Variants in HOXA3 observed in about 807,000 individuals in gnomAD.
HOXA3 encodes the protein homeobox A3.
A neutral mutation model predicts 30.3 loss-of-function variants in HOXA3; 8 were observed. The ratio of observed to expected loss-of-function variants is 0.26; its 90% confidence interval spans 0.15 to 0.48. The LOEUF (loss-of-function observed/expected upper bound fraction) is 0.48. Ranked by LOEUF, HOXA3 falls within the 20% of genes least tolerant of loss-of-function variation. The pLI is 0.99. For synonymous variants in HOXA3, 323 were observed against 273.1 expected (o/e 1.18, Z -1.80); for missense variants, 653 against 614.4 (o/e 1.06, Z -0.66).
intron 4 of HOXA3, among the ~76,000 whole-genome samples, chr7:27,112,725 A>C (rs1175586515): frequency 6.6e-6 from 1 of 152,244 alleles, no homozygotes; most frequent in South Asian, 2.1e-4. Context: ...GCTTGTGTAA[A>C]ATAAAATGTC....
intron 4 of HOXA3, among the ~76,000 whole-genome samples, chr7:27,116,868 G>C (rs1299304840): frequency 6.6e-6 from 1 of 152,214 alleles, no homozygotes; most frequent in Non-Finnish European, 1.5e-5. Flanking sequence ...TACTGCCGAG[G>C]CCGGCACTGG....
chr7:27,139,811 G>A lies in HOXA3; in HGVS notation c.-390+272C>T, dbSNP rs920955865. On this transcript the variant is annotated intron_variant, in intron 2 of 5. Transcript: ENST00000612286. ...CACAAAAATCATCTTTTTGCACGCC[G>A]GCGGGAGCAGCGGAAGTCATTAACA... Among the ~76,000 whole-genome samples, 10 of 152,156 alleles carry A rather than the reference G, an allele frequency of 6.6e-5. No individual in the cohort carries two copies. The South Asian group carries it at 8.3e-4, about 13-fold the overall frequency.
intron 2 of HOXA3, among the ~76,000 whole-genome samples, chr7:27,136,420 C>A (rs552016671): frequency 1.3e-5 from 2 of 152,092 alleles, no homozygotes; most frequent in South Asian, 2.1e-4. Context: ...AATGGGAGAA[C>A]CTTGCAAAAA....
chr7:27,121,237 G>GTC (rs917367363), intron 4 of HOXA3: 1 of 151,476 alleles, frequency 6.6e-6, no homozygotes, highest in African/African-American at 2.4e-5. Flanking sequence ...GTGTGTGTGT[G>GTC]TGTGTGTGTG....
intron 1 of HOXA3, chr7:27,145,732 A>G (rs779260946): frequency 1.9e-6 from 3 of 1,613,782 alleles, no homozygotes; most frequent in East Asian, 2.2e-5. Flanking sequence ...TCCTTTTTCC[A>G]CTTCATGCGG....
rs1783012245 is a variant in HOXA3 at position 27,152,527 on chromosome 7, G to T, written c.-733C>A. ...CCATCTCCGGACAAAGCACAGCCGA[G>T]CCCGGCTGGAAGGCAGAGCTCCGAA... On this transcript the variant is annotated 5_prime_UTR_variant, in exon 1 of 6. Coordinates refer to ENST00000612286, the MANE Select transcript of HOXA3 (RefSeq NM_153631.3). 8.5e-7 allele frequency: 1 copy of T among 1,180,152 alleles called. No homozygotes were observed. The highest frequency in any genetic ancestry group is 1.1e-6 in the Non-Finnish European group (1 of 937,996). The allele number at this position is 1,180,152 out of a possible 1,614,324, so 73.1% of individuals were successfully genotyped here. A position where few individuals can be genotyped will look rare whatever the true frequency, so the allele number is the denominator to read the frequency against.
At chr7:27,148,273 C>T (rs1782854652) in intron 1 of HOXA3, among the ~76,000 whole-genome samples, 2 of 152,390 alleles carry the variant, frequency 1.3e-5, no homozygotes, top group South Asian at 4.1e-4. Context: ...GCCTGCACTC[C>T]AGGCACGGCC....
In HOXA3 at chr7:27,113,947, C is replaced by G. The variant is rs1015682022; in HGVS notation, c.-120-3187G>C. On this transcript the variant is annotated intron_variant, in intron 4 of 5. Coordinates refer to ENST00000612286, the MANE Select transcript of HOXA3 (RefSeq NM_153631.3). The surrounding 1 kb of genome is among the most constrained non-coding windows in gnomAD (Gnocchi z 4.8). ...GCAGCAGCCGCGGCCCGGAGATAAG[C>G]GCTAGTGCGGCGCCGGGCTCTGCCT... 1 of 151,208 alleles carries G rather than the reference C, an allele frequency of 6.6e-6. No homozygotes were observed. The highest frequency in any genetic ancestry group is 1.5e-5 in the Non-Finnish European group (1 of 67,746). The allele number at this position is 151,208 out of a possible 1,614,324, so 9.4% of individuals were successfully genotyped here.
chr7:27,128,283 C>T (rs1286678511), intron 2 of HOXA3: 4 of 152,240 alleles, frequency 2.6e-5, no homozygotes, highest in Non-Finnish European at 5.9e-5. Context: ...CCTCTCAGAG[C>T]TCAAGAGCCT....
intron 1 of HOXA3, chr7:27,150,026 G>A (rs763378843): frequency 6.6e-5 from 10 of 152,186 alleles, no homozygotes; most frequent in Admixed American, 2.0e-4. Flanking sequence ...AAGAGAATTT[G>A]ATTTCTCAGC....
Position 27,108,332 on chromosome 7 carries a change from G to A in HOXA3, c.915C>T (p.Tyr305=), listed in dbSNP as rs1784145951. 1 of 1,510,132 alleles carries A rather than the reference G, an allele frequency of 6.6e-7. No homozygotes were observed. Among genetic ancestry groups the A allele is most frequent in the African/African-American group, 1.4e-5 (1 of 72,714 alleles). 93.5% of individuals were successfully genotyped at this position (1,510,132 alleles called of 1,614,324 possible). A position where few individuals can be genotyped will look rare whatever the true frequency, so the allele number is the denominator to read the frequency against. ...CAGGGTAGGAGGCGGGGGGCAGCCCGTAGGTACCCTGGGGGGGCTTGGAGA... is the reference window on the plus strand; with the variant it reads ...CAGGGTAGGAGGCGGGGGGCAGCCCATAGGTACCCTGGGGGGGCTTGGAGA... ...PPFSKPPQGT[Y]GLPPASYPAS... Residue 305 remains tyrosine (Y), a synonymous_variant, in exon 6 of 6, where the codon TAC becomes TAT. Transcript: ENST00000612286. The surrounding 1 kb of genome is among the most constrained non-coding windows in gnomAD (Gnocchi z 5.0).
rs940480505 is a variant in HOXA3 at position 27,108,776 on chromosome 7, C to G, written c.527-56G>C. Reference sequence around the variant, plus strand: ...CAGGGGCTGCCGCGGCCCCGCCCAGCCCCTGACCCAGCCCGGCCCCTCCTT... The same window carrying G: ...CAGGGGCTGCCGCGGCCCCGCCCAGGCCCTGACCCAGCCCGGCCCCTCCTT... On this transcript the variant is annotated intron_variant, in intron 5 of 5. Coordinates refer to ENST00000612286, the MANE Select transcript of HOXA3 (RefSeq NM_153631.3). This position sits in a 1 kb window ranked among gnomAD's most constrained non-coding sequence, Gnocchi z 5.0. The G allele has an allele frequency of 1.4e-6, 2 of 1,385,616 alleles. No individual in the cohort carries two copies. The highest frequency in any genetic ancestry group is 2.9e-5 in the African/African-American group (2 of 68,798). 85.8% of individuals were successfully genotyped at this position (1,385,616 alleles called of 1,614,324 possible).
At chr7:27,130,100 C>T in intron 2 of HOXA3, 1 of 1,587,932 alleles carries the variant, frequency 6.3e-7, no homozygotes. Context: ...CCCGCGCCTC[C>T]CAAGCGGCGC....
chr7:27,116,677 C>T (rs1203258092), intron 4 of HOXA3: 1 of 152,236 alleles, frequency 6.6e-6, no homozygotes, highest in African/African-American at 2.4e-5. Context: ...TCTATTCCCT[C>T]TCTCATTCTT....
At chr7:27,152,185 A>C (rs62454420) in intron 1 of HOXA3, 103 bp downstream of exon 1, 27 of 501,518 alleles carry the variant, frequency 5.4e-5, no homozygotes, top group Non-Finnish European at 8.6e-5. Flanking sequence ...GGTAAGGGGG[A>C]GTATGCCCCT....
chr7:27,130,387 GGCTGGGGCGGCCGC>G, intron 2 of HOXA3: 1 of 1,154,396 alleles, frequency 8.7e-7, no homozygotes, highest in Non-Finnish European at 1.1e-6. Context: ...GGGCTGCTCG[GGCTGGGGCGGCCGC>G]CCGGGGCTGG....
At position 27,126,972 on chromosome 7, in the gene HOXA3, G is replaced by A. The variant is rs1785311960; in HGVS notation, c.-291C>T. The A allele has an allele frequency of 1.4e-5, 2 of 144,266 alleles. No homozygotes were observed. Among genetic ancestry groups the A allele is most frequent in the Non-Finnish European group, 3.0e-5 (2 of 66,008 alleles). The allele number at this position is 144,266 out of a possible 1,614,324, so 8.9% of individuals were successfully genotyped here. On this transcript the variant is annotated 5_prime_UTR_variant, in exon 3 of 6. Coordinates refer to ENST00000612286, the MANE Select transcript of HOXA3 (RefSeq NM_153631.3). ...GTCTAGGCATTTTTTTTTTTTAGCAGACAGCCAAGATGCTGTGTCCTTGCC... is the reference window on the plus strand; with the variant it reads ...GTCTAGGCATTTTTTTTTTTTAGCAAACAGCCAAGATGCTGTGTCCTTGCC...
At chr7:27,139,466 G>C (rs1044890026) in intron 2 of HOXA3, among the ~76,000 whole-genome samples, 2 of 152,200 alleles carry the variant, frequency 1.3e-5, no homozygotes, top group Non-Finnish European at 2.9e-5. Context: ...CCACCCTCCC[G>C]CTCTCGCGAG....
At chr7:27,147,384 T>A in intron 1 of HOXA3, 1 of 1,613,920 alleles carries the variant, frequency 6.2e-7, no homozygotes, top group Non-Finnish European at 8.5e-7. Context: ...CGTCATGGAG[T>A]GCTTTGCCCT....
Sources: gnomAD v4.1 joint callset for allele counts (sites outside exome capture counted in the v4.1 genomes callset) on GRCh38, gnomAD v4.1.1 for gene constraint, Gnocchi (gnomAD v3.1) non-coding constraint, MANE v1.5 for transcripts, NCBI Gene and HGNC (gene_info 2026-07-23, HGNC 2026-07-21) for gene names.